RNLS: variants seen among roughly 807,000 people sequenced by gnomAD.
The protein encoded by RNLS is renalase.
RNLS carries 39 observed loss-of-function variants against 39.8 expected under a neutral mutation model. That is an observed-to-expected ratio of 0.98 (90% confidence interval 0.76 to 1.28). The LOEUF (loss-of-function observed/expected upper bound fraction) is 1.28. Ranked by LOEUF, RNLS falls within the 50% of genes most tolerant of loss-of-function variation. The probability of loss-of-function intolerance (pLI) is 0.00; values close to 1 mark genes in which losing one functional copy is unlikely to be tolerated. For synonymous variants in RNLS, 147 were observed against 150.7 expected, an observed-to-expected ratio of 0.98 and a Z score of 0.18; for missense variants, 410 against 413.3, an observed-to-expected ratio of 0.99 and a Z score of 0.07.
At chr10:88,207,832 G>A in the RNLS span, among the ~76,000 whole-genome samples, 61 of 152,232 alleles carry the variant, frequency 4.0e-4, no homozygotes, top group African/African-American at 1.4e-3. Flanking sequence ...TTGGCACAGG[G>A]AGTCCAGAAA....
chr10:88,532,656 C>T (rs1847497109), intron 4 of RNLS, among the ~76,000 whole-genome samples: 1 of 151,940 alleles, frequency 6.6e-6, no homozygotes, highest in African/African-American at 2.4e-5. Context: ...GTTAAACCAT[C>T]GTAAATTCTA....
chr10:88,194,104 A>G, the RNLS span, among the ~76,000 whole-genome samples: 1 of 152,218 alleles, frequency 6.6e-6, no homozygotes, highest in Non-Finnish European at 1.5e-5. Flanking sequence ...GGCATGTGGA[A>G]ATGGGGTGTA....
At chr10:88,385,334 G>C (rs751114746) in intron 4 of RNLS, among the ~76,000 whole-genome samples, 19 of 152,176 alleles carry the variant, frequency 1.2e-4, no homozygotes, top group Middle Eastern at 3.2e-3. Context: ...AAGTATATAA[G>C]TATGTAGTGT....
chr10:88,467,909 C>G (rs914280985), intron 4 of RNLS, among the ~76,000 whole-genome samples: 2 of 152,196 alleles, frequency 1.3e-5, no homozygotes, highest in African/African-American at 4.8e-5. Flanking sequence ...ACAAGATCTT[C>G]AGGAGATCTG....
At chr10:88,292,265 C>T (rs1406859046) in intron 6 of RNLS, among the ~76,000 whole-genome samples, 2 of 150,066 alleles carry the variant, frequency 1.3e-5, no homozygotes, top group Non-Finnish European at 3.0e-5. Context: ...TTTCATCAGT[C>T]TGTCATGTTA....
At chr10:88,265,129 A>C in the RNLS span, among the ~76,000 whole-genome samples, 2 of 148,768 alleles carry the variant, frequency 1.3e-5, no homozygotes, top group African/African-American at 4.9e-5. Flanking sequence ...GCTTTGTCGA[A>C]GATCAGTTGG....
At chr10:88,216,414 G>T in the RNLS span, among the ~76,000 whole-genome samples, 2 of 152,254 alleles carry the variant, frequency 1.3e-5, no homozygotes, top group African/African-American at 2.4e-5. Flanking sequence ...CTGATTTTGT[G>T]TCTTGGCTTA....
chr10:88,573,145 A>G (rs774176653), intron 3 of RNLS, 84 bp from the exon 4 acceptor site: 37 of 1,330,896 alleles, frequency 2.8e-5, no homozygotes, highest in Non-Finnish European at 3.6e-5. Flanking sequence ...AACTGAATCC[A>G]TTCAAGTGAA....
intron 4 of RNLS, among the ~76,000 whole-genome samples, chr10:88,471,716 T>G (rs1843539693): frequency 6.6e-6 from 1 of 152,162 alleles, no homozygotes; most frequent in African/African-American, 2.4e-5. Flanking sequence ...AGAAGGTACA[T>G]GTTTGGAAGT....
At chr10:88,509,891 A>T (rs1165588310) in intron 4 of RNLS, among the ~76,000 whole-genome samples, 1 of 152,194 alleles carries the variant, frequency 6.6e-6, no homozygotes, top group Admixed American at 6.6e-5. Flanking sequence ...AGTGATACTC[A>T]TCTGCCTGGA....
intron 4 of RNLS, among the ~76,000 whole-genome samples, chr10:88,452,442 A>C (rs1414218079): frequency 6.6e-6 from 1 of 152,212 alleles, no homozygotes; most frequent in East Asian, 1.9e-4. Flanking sequence ...GTTTGAGGTA[A>C]CATTTTAGGG....
At chr10:88,213,675 G>C in the RNLS span, among the ~76,000 whole-genome samples, 3 of 152,186 alleles carry the variant, frequency 2.0e-5, no homozygotes, top group African/African-American at 7.2e-5. Flanking sequence ...CGGCCACAGA[G>C]CATATTTAGA....
chr10:88,310,956 A>G (rs1845337709), intron 6 of RNLS, among the ~76,000 whole-genome samples: 1 of 152,058 alleles, frequency 6.6e-6, no homozygotes, highest in Non-Finnish European at 1.5e-5. Context: ...GTCCACATCC[A>G]TTTATTTTTC....
At chr10:88,476,494 G>A (rs1429999260) in intron 4 of RNLS, among the ~76,000 whole-genome samples, 4 of 151,976 alleles carry the variant, frequency 2.6e-5, no homozygotes, top group South Asian at 4.2e-4. Context: ...TTATGAGGAC[G>A]GGGACAACAG....
At chr10:88,419,930 A>G (rs1854293431) in intron 4 of RNLS, among the ~76,000 whole-genome samples, 1 of 151,960 alleles carries the variant, frequency 6.6e-6, no homozygotes, top group Non-Finnish European at 1.5e-5. Flanking sequence ...GAATCGCTTG[A>G]ACCTGGGAGG....
chr10:88,436,409 TCAAAAC>T (rs925413809), intron 4 of RNLS, among the ~76,000 whole-genome samples: 21 of 152,148 alleles, frequency 1.4e-4, no homozygotes, highest in African/African-American at 5.1e-4. Flanking sequence ...CAGTTCTGAA[TCAAAAC>T]CAAATTCTAG....
chr10:88,561,173 C>T (rs1288278974), intron 4 of RNLS, among the ~76,000 whole-genome samples: 1 of 151,998 alleles, frequency 6.6e-6, no homozygotes, highest in African/African-American at 2.4e-5. Flanking sequence ...TAGCAAAGGA[C>T]CAAGATGTCA....
Position 88,540,745 on chromosome 10 carries a change from T to G in RNLS, c.526+32158A>C, listed in dbSNP as rs183328217. Among the ~76,000 whole-genome samples the G allele has an allele frequency of 2.0e-5, 3 of 152,234 alleles. No individual in the cohort carries two copies. In the East Asian group the frequency reaches 5.8e-4, roughly 29 times the overall value. On this transcript the variant is annotated intron_variant, in intron 4 of 6. Coordinates refer to ENST00000331772, the MANE Select transcript of RNLS (RefSeq NM_001031709.3). ...GAAACTCTCTCAAGGACAACATACATTTTTAAGAAATTATAAATAATTTAA... is the reference window on the plus strand; with the variant it reads ...GAAACTCTCTCAAGGACAACATACAGTTTTAAGAAATTATAAATAATTTAA...
intron 4 of RNLS, among the ~76,000 whole-genome samples, chr10:88,515,609 T>C (rs1286067554): frequency 1.3e-5 from 2 of 152,098 alleles, no homozygotes; most frequent in African/African-American, 4.8e-5. Context: ...CCTTCTGTAA[T>C]GTAATTAGCT....
Sources: allele counts gnomAD v4.1 joint callset (sites outside exome capture counted in the v4.1 genomes callset), GRCh38; gene constraint gnomAD v4.1.1; transcripts MANE v1.5; gene names NCBI Gene and HGNC (gene_info 2026-07-23, HGNC 2026-07-21).